LINGO2: variants seen among roughly 807,000 people sequenced by gnomAD.
LINGO2 encodes leucine rich repeat and Ig domain containing 2, also known as leucine-rich repeat and immunoglobulin-like domain-containing nogo receptor-interacting protein 2.
Under a neutral mutation model 30.6 loss-of-function variants are expected in LINGO2, and 14 were observed. The observed-to-expected ratio is 0.46, with a 90% confidence interval of 0.30 to 0.72. LINGO2 has a LOEUF of 0.72. LINGO2 is among the 30% of genes least tolerant of loss of function. The pLI is 0.07. For missense variants in LINGO2, 729 were observed against 751.7 expected (o/e 0.97, Z 0.35); for synonymous variants, 317 against 288.5 (o/e 1.10, Z -1.00).
the LINGO2 span, among the ~76,000 whole-genome samples, chr9:28,903,231 C>A: frequency 6.6e-6 from 1 of 151,692 alleles, no homozygotes; most frequent in East Asian, 1.9e-4. Context: ...TCATAAGAGA[C>A]TAATAGGAAC....
chr9:28,853,511 G>T, the LINGO2 span, among the ~76,000 whole-genome samples: 1 of 151,970 alleles, frequency 6.6e-6, no homozygotes, highest in African/African-American at 2.4e-5. Flanking sequence ...TTAAATCAAG[G>T]TATCACTGCC....
the LINGO2 span, among the ~76,000 whole-genome samples, chr9:28,764,428 A>G: frequency 4.8e-3 from 728 of 152,052 alleles, 16 homozygotes; most frequent in African/African-American, 0.017. Context: ...ATAATTGCAG[A>G]AAAAAACATT....
chr9:28,287,711 C>T (rs1432122983), intron 4 of LINGO2, among the ~76,000 whole-genome samples: 1 of 151,974 alleles, frequency 6.6e-6, no homozygotes, highest in African/African-American at 2.4e-5. Context: ...AGCAGCTGCC[C>T]CCATGTTAAT....
intron 4 of LINGO2, among the ~76,000 whole-genome samples, chr9:28,145,491 G>A (rs1827787593): frequency 6.6e-6 from 1 of 152,148 alleles, no homozygotes; most frequent in African/African-American, 2.4e-5. Flanking sequence ...TTTAAAAGAT[G>A]AATTTTGATT....
At chr9:28,704,777 C>T in the LINGO2 span, among the ~76,000 whole-genome samples, 1 of 152,106 alleles carries the variant, frequency 6.6e-6, no homozygotes, top group South Asian at 2.1e-4. Flanking sequence ...TTCAATCTCT[C>T]TGCTTACATC....
the LINGO2 span, among the ~76,000 whole-genome samples, chr9:28,934,498 G>A: frequency 6.6e-6 from 1 of 152,026 alleles, no homozygotes; most frequent in Non-Finnish European, 1.5e-5. Flanking sequence ...GTCACAAGCT[G>A]TAAACAATTT....
At chr9:28,791,779 G>A in the LINGO2 span, among the ~76,000 whole-genome samples, 2 of 151,850 alleles carry the variant, frequency 1.3e-5, no homozygotes, top group East Asian at 1.9e-4. Flanking sequence ...CATTAAGTAT[G>A]GAGATAAGTT....
chr9:28,308,932 G>A (rs1308398383), intron 3 of LINGO2, among the ~76,000 whole-genome samples: 4 of 152,130 alleles, frequency 2.6e-5, no homozygotes, highest in Non-Finnish European at 5.9e-5. Flanking sequence ...TCAGGAAACA[G>A]CAGGTGCTGG....
intron 3 of LINGO2, among the ~76,000 whole-genome samples, chr9:28,332,028 A>T (rs1825438466): frequency 6.6e-6 from 1 of 152,174 alleles, no homozygotes; most frequent in Middle Eastern, 3.2e-3. Flanking sequence ...CATTAAAATA[A>T]TCAACCTAAA....
the LINGO2 span, among the ~76,000 whole-genome samples, chr9:29,059,273 T>C: frequency 6.6e-6 from 1 of 151,500 alleles, no homozygotes; most frequent in African/African-American, 2.4e-5. Context: ...GAAATTAACA[T>C]TAAAATGTAT....
the LINGO2 span, among the ~76,000 whole-genome samples, chr9:29,044,512 A>G: frequency 3.7e-4 from 57 of 152,198 alleles, no homozygotes; most frequent in African/African-American, 1.2e-3. Context: ...GTAAACAGGT[A>G]TAATTACTTG....
At chr9:28,017,511 T>C (rs1220951977) in intron 4 of LINGO2, among the ~76,000 whole-genome samples, 1 of 152,104 alleles carries the variant, frequency 6.6e-6, no homozygotes, top group African/African-American at 2.4e-5. Flanking sequence ...CAAAAATAAA[T>C]GTACATAAAT....
At chr9:28,000,788 C>T (rs1036166621) in intron 5 of LINGO2, among the ~76,000 whole-genome samples, 5 of 152,170 alleles carry the variant, frequency 3.3e-5, no homozygotes, top group African/African-American at 1.2e-4. Context: ...CATATATTCT[C>T]ATAATTATTC....
intron 4 of LINGO2, among the ~76,000 whole-genome samples, chr9:28,034,575 C>T (rs1353212484): frequency 6.6e-6 from 1 of 152,080 alleles, no homozygotes; most frequent in Non-Finnish European, 1.5e-5. Context: ...CTTTGCAAGT[C>T]AGCCTAGAAA....
chr9:28,406,932 CAAG>C (rs916018282), intron 2 of LINGO2, among the ~76,000 whole-genome samples: 17 of 152,130 alleles, frequency 1.1e-4, no homozygotes, highest in African/African-American at 4.1e-4. Context: ...TCCAGACACT[CAAG>C]ATAACCACCA....
the LINGO2 span, among the ~76,000 whole-genome samples, chr9:28,798,671 CA>C: frequency 6.6e-6 from 1 of 152,088 alleles, no homozygotes. Flanking sequence ...TAGTCAATTT[CA>C]ACAAACAATT....
chr9:28,438,933 TTATATATAATGAAA>T (rs933638514), intron 2 of LINGO2, among the ~76,000 whole-genome samples: 2 of 146,398 alleles, frequency 1.4e-5, no homozygotes, highest in Non-Finnish European at 3.0e-5. Context: ...TATCTATACA[TTATATATAATGAAA>T]TATAGATAAT....
intron 5 of LINGO2, among the ~76,000 whole-genome samples, chr9:27,986,183 G>A (rs566852202): frequency 6.6e-4 from 100 of 151,014 alleles, no homozygotes; most frequent in African/African-American, 2.4e-3. Context: ...AGCCAGAGAA[G>A]ACAGAAAAGA....
chr9:28,856,739 G>A, the LINGO2 span, among the ~76,000 whole-genome samples: 13 of 151,906 alleles, frequency 8.6e-5, no homozygotes, highest in African/African-American at 2.2e-4. Context: ...TTACTGAAGC[G>A]TTTTAAGGAG....
Sources: allele counts gnomAD v4.1 joint callset (sites outside exome capture counted in the v4.1 genomes callset), GRCh38; gene constraint gnomAD v4.1.1; transcripts MANE v1.5; gene names NCBI Gene and HGNC (gene_info 2026-07-23, HGNC 2026-07-21).